ADAMTS16: variants seen among roughly 807,000 people sequenced by gnomAD.
The protein encoded by ADAMTS16 is A disintegrin and metalloproteinase with thrombospondin motifs 16.
Under a neutral mutation model 145.8 loss-of-function variants are expected in ADAMTS16, and 94 were observed. The ratio of observed to expected loss-of-function variants is 0.64; its 90% CI spans 0.55 to 0.77. The LOEUF (loss-of-function observed/expected upper bound fraction) is 0.77, where lower values mean the gene tolerates loss of function less well. ADAMTS16 is among the 30% of genes least tolerant of loss of function. The pLI is 0.00. For missense variants in ADAMTS16, 1,585 were observed against 1,591.5 expected (o/e 1.00, Z 0.07); for synonymous variants, 659 against 604.3 (o/e 1.09, Z -1.33).
intron 18 of ADAMTS16, among the ~76,000 whole-genome samples, chr5:5,290,779 A>C (rs1478720563): frequency 6.6e-6 from 1 of 152,108 alleles, no homozygotes; most frequent in Non-Finnish European, 1.5e-5. Context: ...GAAATGAAGG[A>C]TTTGTAAGAG....
intron 18 of ADAMTS16, among the ~76,000 whole-genome samples, chr5:5,289,587 G>C (rs2126486156): frequency 6.6e-6 from 1 of 152,324 alleles, no homozygotes; most frequent in South Asian, 2.1e-4. Flanking sequence ...AACACTAGTT[G>C]CTTTCTGGTT....
Position 5,157,796 on chromosome 5 carries a change from C to T in ADAMTS16, c.501+11341C>T, listed in dbSNP as rs555579217. Among the ~76,000 whole-genome samples, 90 of 152,310 alleles carry T rather than the reference C, an allele frequency of 5.9e-4. No homozygotes were observed. The South Asian group carries it at 0.014, about 25-fold the overall frequency. ...CAATGTGTTAAACCCCTCTTTACGTCCACAGTTGTTGAGAACTTTTTCAAA... is the reference window on the plus strand; with the variant it reads ...CAATGTGTTAAACCCCTCTTTACGTTCACAGTTGTTGAGAACTTTTTCAAA... On this transcript the variant is annotated intron_variant, in intron 3 of 22. Transcript: ENST00000274181.
intron 5 of ADAMTS16, among the ~76,000 whole-genome samples, chr5:5,186,827 C>G (rs1017463692): frequency 2.6e-4 from 40 of 152,130 alleles, no homozygotes; most frequent in African/African-American, 8.4e-4. Context: ...ATCTAAATAA[C>G]AGAAGACAAA....
chr5:5,267,408 G>A (rs532192153), intron 18 of ADAMTS16, among the ~76,000 whole-genome samples: 1 of 152,268 alleles, frequency 6.6e-6, no homozygotes, highest in Admixed American at 6.5e-5. Flanking sequence ...ATGAGTACAA[G>A]GTTTTATTGA....
intron 20 of ADAMTS16, among the ~76,000 whole-genome samples, chr5:5,304,456 C>T (rs910803742): frequency 3.3e-5 from 5 of 152,092 alleles, no homozygotes; most frequent in Non-Finnish European, 7.4e-5. Context: ...ACAGCACCAC[C>T]AGCCAAGCAT....
At chr5:5,177,555 A>G (rs544634203) in intron 3 of ADAMTS16, among the ~76,000 whole-genome samples, 1 of 152,292 alleles carries the variant, frequency 6.6e-6, no homozygotes, top group South Asian at 2.1e-4. Flanking sequence ...TTTTTTCAAG[A>G]TATCACATAT....
intron 11 of ADAMTS16, among the ~76,000 whole-genome samples, chr5:5,228,232 C>G (rs2126360102): frequency 6.6e-6 from 1 of 152,074 alleles, no homozygotes; most frequent in East Asian, 1.9e-4. Context: ...CTTTAAACTC[C>G]AGTATTAGAC....
At chr5:5,279,242 T>C (rs151334076) in intron 18 of ADAMTS16, among the ~76,000 whole-genome samples, 2 of 152,188 alleles carry the variant, frequency 1.3e-5, no homozygotes, top group Non-Finnish European at 2.9e-5. Context: ...ACAGAAGCAA[T>C]CTTCTGACTG....
In ADAMTS16 at chr5:5,317,399, T is replaced by TTAC. The variant is rs1734101147; in HGVS notation, c.3412-734_3412-733insACT. On this transcript the variant is annotated intron_variant, in intron 21 of 22. Transcript: ENST00000274181. The surrounding 1 kb of genome is among the most constrained non-coding windows in gnomAD (Gnocchi z 4.5). ...GTATACTTACTTACTTACTTACTTATTTATTTATTTTTGAGATGGAGTTTT... is the reference window on the plus strand; with the variant it reads ...GTATACTTACTTACTTACTTACTTATTACTTATTTATTTTTGAGATGGAGTTTT... Among the ~76,000 whole-genome samples, 8 of 152,034 alleles carry TTAC rather than the reference T, an allele frequency of 5.3e-5. No individual in the cohort carries two copies. In the South Asian group the frequency reaches 1.5e-3, roughly 28 times the overall value.
chr5:5,212,198 TGTTTTGTTTTGTTTTG>T lies in ADAMTS16; in HGVS notation c.1605+2953_1605+2968del, dbSNP rs1560951028. 1.4e-4 allele frequency among the ~76,000 whole-genome samples: 20 copies of T among 138,048 alleles called. 2 individuals carry two copies. The highest frequency in any genetic ancestry group is 7.4e-3 in the Middle Eastern group (2 of 272). The allele number at this position is 138,048 out of a possible 152,430, so 90.6% of individuals were successfully genotyped here. A position where few individuals can be genotyped will look rare whatever the true frequency, so the allele number is the denominator to read the frequency against. The stretch of plus-strand genomic sequence containing the variant: ...TACTATTAGTTTCTGGGGTTTTTTT[TGTTTTGTTTTGTTTTG>T]TTTTTTTTTTTGAGATGGAGTCTTG... On this transcript the variant is annotated intron_variant, in intron 10 of 22. Transcript: ENST00000274181.
chr5:5,287,728 T>A (rs546211414), intron 18 of ADAMTS16, among the ~76,000 whole-genome samples: 32 of 152,230 alleles, frequency 2.1e-4, no homozygotes, highest in African/African-American at 7.5e-4. Context: ...ATGGATTCAA[T>A]CTGCTTCTTT....
Position 5,306,687 on chromosome 5 carries a change from G to C in ADAMTS16, c.3370G>C (p.Gly1124Arg). Reference protein sequence around the residue: ...CPRHPPFAAAGPSRGSWFASP... With the variant: ...CPRHPPFAAARPSRGSWFASP... ...CAGGCACCCCCCATTTGCTGCTGCG[G>C]GACCCTCGAGGGGCAGCTGGTTTGC... The change falls in exon 21 of 23, where the codon GGA (glycine) becomes CGA (arginine). Residue 1124 changes from glycine (G) to arginine (R), a missense_variant. By Grantham distance (125) the Gly-to-Arg change is moderately radical (BLOSUM62 -2). Around this residue, in one of 3 missense-constraint regions of ADAMTS16, gnomAD observed 834 missense variants for 811.7 expected, o/e 1.03. Transcript: ENST00000274181. The C allele has an allele frequency of 6.2e-7, 1 of 1,613,526 alleles. No individual in the cohort carries two copies. The highest frequency in any genetic ancestry group is 8.5e-7 in the Non-Finnish European group (1 of 1,179,846).
chr5:5,166,079 T>C (rs548604369), intron 3 of ADAMTS16, among the ~76,000 whole-genome samples: 1 of 152,340 alleles, frequency 6.6e-6, no homozygotes, highest in East Asian at 1.9e-4. Flanking sequence ...ATATGTCCTG[T>C]AAACTTGATT....
At chr5:5,148,608 T>C (rs911263379) in intron 3 of ADAMTS16, among the ~76,000 whole-genome samples, 1 of 152,254 alleles carries the variant, frequency 6.6e-6, no homozygotes, top group Non-Finnish European at 1.5e-5. Flanking sequence ...TGTCCACTAA[T>C]GATTGGTTTG....
At chr5:5,225,323 C>T (rs1162441600) in intron 11 of ADAMTS16, among the ~76,000 whole-genome samples, 3 of 152,062 alleles carry the variant, frequency 2.0e-5, no homozygotes, top group Admixed American at 6.6e-5. Flanking sequence ...GGAAAGAGAC[C>T]GGGCGCAGTG....
rs558707077 is a variant in ADAMTS16, at chr5:5,318,951, C to A, written c.3560-72C>A. On this transcript the variant is annotated intron_variant, in intron 22 of 22. Transcript: ENST00000274181. ...GACAAATTCGCTTTTATTTGCCAGA[C>A]AGAGCTATTAGCTGGCAACATCAGT... is the stretch of plus-strand genomic sequence containing the variant. 79 of 1,153,292 alleles carry A rather than the reference C, an allele frequency of 6.8e-5. No homozygotes were observed. The Middle Eastern group carries it at 1.2e-3, about 17-fold the overall frequency. The allele number at this position is 1,153,292 out of a possible 1,614,324, so 71.4% of individuals were successfully genotyped here. A position where few individuals can be genotyped will look rare whatever the true frequency, so the allele number is the denominator to read the frequency against.
chr5:5,307,384 CTT>C (rs1370617243), intron 21 of ADAMTS16, among the ~76,000 whole-genome samples: 2 of 152,214 alleles, frequency 1.3e-5, no homozygotes, highest in African/African-American at 4.8e-5. Flanking sequence ...TTTCCCATCT[CTT>C]GGCTGGGAGA....
At chr5:5,256,353 T>G (rs759800714) in intron 17 of ADAMTS16, among the ~76,000 whole-genome samples, 3 of 152,214 alleles carry the variant, frequency 2.0e-5, no homozygotes, top group Non-Finnish European at 4.4e-5. Flanking sequence ...AATGTCTCAT[T>G]AAGGAAAACA....
rs375485579 is a variant in ADAMTS16, at chr5:5,235,106, G to A, written c.1943G>A (p.Arg648His). Residue 648 changes from arginine to histidine, a missense_variant, in exon 13 of 23, where the codon CGT becomes CAT. Arg to His is a conservative substitution (Grantham distance 29). Transcript: ENST00000274181. ...TGTCCCCGGGACAGTGTTGACTTCCGTGCTGCTCAGTGTGCCGAGCACAAC... is the reference window on the plus strand; with the variant it reads ...TGTCCCCGGGACAGTGTTGACTTCCATGCTGCTCAGTGTGCCGAGCACAAC... ...QKCPRDSVDF[R>H]AAQCAEHNSR... The A allele has an allele frequency of 5.4e-5, 87 of 1,605,746 alleles. No individual in the cohort carries two copies. The highest frequency in any genetic ancestry group is 5.5e-5 in the South Asian group (5 of 90,756).
Sources: gnomAD v4.1 joint callset for allele counts (sites outside exome capture counted in the v4.1 genomes callset) on GRCh38, gnomAD v4.1.1 for gene constraint, gnomAD v4.1.1 regional missense constraint, Gnocchi (gnomAD v3.1) non-coding constraint, MANE v1.5 for transcripts, NCBI Gene and HGNC (gene_info 2026-07-23, HGNC 2026-07-21) for gene names.